Variants in IPMK observed in about 807,000 individuals in gnomAD.
IPMK encodes the protein inositol polyphosphate multikinase, also known as inositol 1,3,4,6-tetrakisphosphate 5-kinase.
Under a neutral mutation model 45.8 loss-of-function variants are expected in IPMK, and 17 were observed. The ratio of observed to expected loss-of-function variants is 0.37; its 90% CI spans 0.25 to 0.56. The LOEUF (loss-of-function observed/expected upper bound fraction) is 0.56, where lower values mean the gene tolerates loss of function less well. IPMK is among the 20% of genes least tolerant of loss of function. IPMK has a pLI of 0.79. For synonymous variants in IPMK, 180 were observed against 184.3 expected, an observed-to-expected ratio of 0.98 and a Z score of 0.19; for missense variants, 399 against 498.0, an observed-to-expected ratio of 0.80 and a Z score of 1.89.
rs1837859648 is a variant in IPMK, at chr10:58,194,251, A to T, written c.*1825T>A. On this transcript the variant is annotated 3_prime_UTR_variant, in exon 6 of 6. Coordinates refer to ENST00000373935, the MANE Select transcript of IPMK (RefSeq NM_152230.5). ...TAGTGTTTAATTATCTGAGCTTAAG[A>T]TTTATTGAACCACTATCCAAATAAC... 1 of 151,834 alleles carries T rather than the reference A, an allele frequency of 6.6e-6. No homozygotes were observed. The allele number at this position is 151,834 out of a possible 1,614,324, so 9.4% of individuals were successfully genotyped here. A position where few individuals can be genotyped will look rare whatever the true frequency, so the allele number is the denominator to read the frequency against.
At chr10:58,212,461 G>T in intron 4 of IPMK, 1 of 173,816 alleles carries the variant, frequency 5.8e-6, no homozygotes, top group East Asian at 1.7e-4. Context: ...CTTAAGACCT[G>T]GTGTTGTATG....
chr10:58,212,504 T>C, intron 4 of IPMK: 1 of 192,132 alleles, frequency 5.2e-6, no homozygotes, highest in South Asian at 1.3e-4. Context: ...TGATGACAGG[T>C]GATAGATCCA....
At chr10:58,240,457 A>G (rs1225216003) in intron 1 of IPMK, among the ~76,000 whole-genome samples, 1 of 152,060 alleles carries the variant, frequency 6.6e-6, no homozygotes, top group African/African-American at 2.4e-5. Flanking sequence ...GGTCCCATAA[A>G]GAGAAAAGAG....
rs888494213 is a variant in IPMK at position 58,195,321 on chromosome 10, T to C, written c.*755A>G. On this transcript the variant is annotated 3_prime_UTR_variant, in exon 6 of 6. Transcript: ENST00000373935. ...ATTTATATTCCAATTTTCTCATGAA[T>C]GAAAGATTGTAAAGGAAAATATTTT... The C allele has an allele frequency of 1.3e-5, 2 of 152,084 alleles. No individual in the cohort carries two copies. The highest frequency in any genetic ancestry group is 2.9e-5 in the Non-Finnish European group (2 of 67,918). The allele number at this position is 152,084 out of a possible 1,614,324, so 9.4% of individuals were successfully genotyped here. A position where few individuals can be genotyped will look rare whatever the true frequency, so the allele number is the denominator to read the frequency against.
In IPMK at chr10:58,267,740, C is replaced by T. The variant is rs1839175786; in HGVS notation, c.-129G>A. On this transcript the variant is annotated 5_prime_UTR_variant, in exon 1 of 6. Transcript: ENST00000373935. ...GGCCCGGGGGTTCCCGCGGCTGGTG[C>T]CCTCTGAAGCGCGGGGAGGGGGCCC... The T allele has an allele frequency of 1.6e-6, 1 of 606,292 alleles. No individual in the cohort carries two copies. Among genetic ancestry groups the T allele is most frequent in the African/African-American group, 1.9e-5 (1 of 51,764 alleles). The allele number at this position is 606,292 out of a possible 1,614,324, so 37.6% of individuals were successfully genotyped here.
chr10:58,265,446 T>C (rs899646845), intron 1 of IPMK, among the ~76,000 whole-genome samples: 1 of 152,178 alleles, frequency 6.6e-6, no homozygotes, highest in Non-Finnish European at 1.5e-5. Flanking sequence ...TGGAGAAACA[T>C]AATAAAACTG....
intron 2 of IPMK, among the ~76,000 whole-genome samples, chr10:58,235,716 C>T (rs1358816117): frequency 3.3e-5 from 5 of 152,040 alleles, no homozygotes; most frequent in East Asian, 1.9e-4. Flanking sequence ...ATGTAAATGA[C>T]GAGTTGATGG....
intron 2 of IPMK, among the ~76,000 whole-genome samples, chr10:58,231,333 C>A (rs1214178123): frequency 6.6e-6 from 1 of 152,130 alleles, no homozygotes; most frequent in African/African-American, 2.4e-5. Flanking sequence ...GAGAATGCCA[C>A]AAAGATACTC....
chr10:58,209,113 T>C (rs78320230), intron 4 of IPMK, among the ~76,000 whole-genome samples: 1,854 of 152,330 alleles, frequency 0.012, 28 homozygotes, highest in African/African-American at 0.042. Flanking sequence ...ACTCTGCCTC[T>C]TGTGCAGGCC....
intron 1 of IPMK, among the ~76,000 whole-genome samples, chr10:58,255,841 C>A (rs908619260): frequency 6.6e-6 from 1 of 152,144 alleles, no homozygotes; most frequent in East Asian, 1.9e-4. Flanking sequence ...ATTTCATGGA[C>A]ATTTATTAGT....
chr10:58,240,814 C>T (rs1838685941), intron 1 of IPMK, among the ~76,000 whole-genome samples: 1 of 150,268 alleles, frequency 6.7e-6, no homozygotes, highest in Non-Finnish European at 1.5e-5. Context: ...ATAGAACTCC[C>T]AGAAGTTGCA....
rs1837824045 is a variant in IPMK at position 58,191,936 on chromosome 10, T to A, written c.*4140A>T. 1.3e-5 allele frequency: 2 copies of A among 152,082 alleles called. No individual in the cohort carries two copies. The highest frequency in any genetic ancestry group is 4.8e-5 in the African/African-American group (2 of 41,462). The allele number at this position is 152,082 out of a possible 1,614,324, so 9.4% of individuals were successfully genotyped here. A position where few individuals can be genotyped will look rare whatever the true frequency, so the allele number is the denominator to read the frequency against. On this transcript the variant is annotated 3_prime_UTR_variant, in exon 6 of 6. Coordinates refer to ENST00000373935, the MANE Select transcript of IPMK (RefSeq NM_152230.5). ...CATCATACATCATACTTAAAACTAT[T>A]TCACTTTACAAACTGTTAAATTATA...
chr10:58,261,060 G>A (rs1839058180), intron 1 of IPMK, among the ~76,000 whole-genome samples: 1 of 148,862 alleles, frequency 6.7e-6, no homozygotes, highest in African/African-American at 2.5e-5. Flanking sequence ...AAAATAAAAG[G>A]CCAAAAGCAA....
chr10:58,212,014 T>C (rs1269342991), intron 4 of IPMK, among the ~76,000 whole-genome samples: 1 of 151,792 alleles, frequency 6.6e-6, no homozygotes, highest in Non-Finnish European at 1.5e-5. Flanking sequence ...TAAATTAGAA[T>C]CTTTTTATTC....
intron 1 of IPMK, among the ~76,000 whole-genome samples, chr10:58,244,955 T>C (rs891597045): frequency 5.9e-5 from 9 of 152,058 alleles, no homozygotes; most frequent in African/African-American, 1.9e-4. Context: ...TTTGTTCTCA[T>C]GTTTATCTGC....
At chr10:58,230,288 G>A (rs537709187) in intron 2 of IPMK, among the ~76,000 whole-genome samples, 3 of 152,322 alleles carry the variant, frequency 2.0e-5, no homozygotes, top group African/African-American at 7.2e-5. Context: ...TGACAGTTCT[G>A]AAGAGAGCAG....
intron 3 of IPMK, among the ~76,000 whole-genome samples, chr10:58,222,841 T>C (rs1238239882): frequency 2.0e-5 from 3 of 152,206 alleles, no homozygotes; most frequent in Admixed American, 6.6e-5. Flanking sequence ...AAAATATTTA[T>C]GTATTTCATG....
rs572364864 is a variant in IPMK, at chr10:58,195,789, T to C, written c.*287A>G. The C allele has an allele frequency of 4.1e-5, 12 of 293,980 alleles. No homozygotes were observed. The highest frequency in any genetic ancestry group is 2.2e-4 in the African/African-American group (10 of 45,524). The allele number at this position is 293,980 out of a possible 1,614,324, so 18.2% of individuals were successfully genotyped here. The stretch of plus-strand genomic sequence containing the variant: ...GCTAACTAAACTCTTAATGACTGAA[T>C]AATGGTTTGCATTTTGCTTGAGCCA... On this transcript the variant is annotated 3_prime_UTR_variant, in exon 6 of 6. Transcript: ENST00000373935.
At position 58,244,190 on chromosome 10, in the gene IPMK, C is replaced by T. The variant is rs534167139; in HGVS notation, c.191-6376G>A. ...GCCGCCCCGTCTGGGAGGTGAGGAGCGCCTCTGCCCGGCCGCCCCACCTGG... is the reference window on the plus strand; with the variant it reads ...GCCGCCCCGTCTGGGAGGTGAGGAGTGCCTCTGCCCGGCCGCCCCACCTGG... On this transcript the variant is annotated intron_variant, in intron 1 of 5. Coordinates refer to ENST00000373935, the MANE Select transcript of IPMK (RefSeq NM_152230.5). Among the ~76,000 whole-genome samples the T allele has an allele frequency of 2.5e-4, 37 of 147,856 alleles. No homozygotes were observed. In the East Asian group the frequency reaches 7.1e-3, roughly 28 times the overall value.
Sources: gnomAD v4.1 joint callset for allele counts (sites outside exome capture counted in the v4.1 genomes callset) on GRCh38, gnomAD v4.1.1 for gene constraint, MANE v1.5 for transcripts, NCBI Gene and HGNC (gene_info 2026-07-23, HGNC 2026-07-21) for gene names.